Variants in GJA3 observed in about 807,000 individuals in gnomAD.
The protein encoded by GJA3 is gap junction protein alpha 3.
For synonymous variants in GJA3, 297 were observed against 292.6 expected (o/e 1.02, Z -0.15); for missense variants, 571 against 620.3 (o/e 0.92, Z 0.84).
At chr13:20,152,803 G>A (rs1433197186) in intron 1 of GJA3, among the ~76,000 whole-genome samples, 1 of 152,212 alleles carries the variant, frequency 6.6e-6, no homozygotes, top group Non-Finnish European at 1.5e-5. Context: ...TCATGAGTAG[G>A]ATTTTGAGGG....
chr13:20,154,134 C>T (rs984049808), intron 1 of GJA3, among the ~76,000 whole-genome samples: 2 of 152,098 alleles, frequency 1.3e-5, no homozygotes, highest in African/African-American at 4.8e-5. Context: ...TATAGTTTTC[C>T]AAGACCCACA....
At chr13:20,153,518 CAAACCATCGCAAGGACAGA>C (rs1958891120) in intron 1 of GJA3, among the ~76,000 whole-genome samples, 1 of 152,170 alleles carries the variant, frequency 6.6e-6, no homozygotes, top group African/African-American at 2.4e-5. Flanking sequence ...TCATTCTGAG[CAAACCATCGCAAGGACAGA>C]AAACCAAACA....
At chr13:20,158,594 T>C (rs1461796733) in intron 1 of GJA3, among the ~76,000 whole-genome samples, 1 of 151,924 alleles carries the variant, frequency 6.6e-6, no homozygotes, top group African/African-American at 2.4e-5. Context: ...CCATTACTTT[T>C]GGAGATGTAC....
Position 20,143,193 on chromosome 13 carries a change from G to A in GJA3, c.96C>T (p.Phe32=), listed in dbSNP as rs780442672. 5 of 1,593,888 alleles carry A rather than the reference G, an allele frequency of 3.1e-6. No homozygotes were observed. In the South Asian group the frequency reaches 4.6e-5, roughly 15 times the overall value. ...CCGCGGCCCCCAGCACCAAGATGCG[G>A]AAGATGAACAGCACGGTCAGCCAAA... ...GKVWLTVLFI[F]RILVLGAAAE... The change falls in exon 2 of 2, where the codon TTC becomes TTT. Residue 32 remains phenylalanine, a synonymous_variant. Coordinates refer to ENST00000241125, the MANE Select transcript of GJA3 (RefSeq NM_021954.4).
At chr13:20,147,371 A>G (rs978375024) in intron 1 of GJA3, among the ~76,000 whole-genome samples, 17 of 152,238 alleles carry the variant, frequency 1.1e-4, no homozygotes, top group African/African-American at 4.1e-4. Flanking sequence ...ACACTATCTT[A>G]AATGCCTTAT....
At chr13:20,151,638 G>C (rs1958878317) in intron 1 of GJA3, among the ~76,000 whole-genome samples, 1 of 152,090 alleles carries the variant, frequency 6.6e-6, no homozygotes, top group Non-Finnish European at 1.5e-5. Flanking sequence ...AGTGATCCAG[G>C]CCAGAAGGGG....
At position 20,141,897 on chromosome 13, in the gene GJA3, T is replaced by C; in HGVS notation, c.*84A>G. On this transcript the variant is annotated 3_prime_UTR_variant, in exon 2 of 2. Transcript: ENST00000241125. ...CCCACCTCCTGGGACTTTCAGGTTC[T>C]ATCTGCTGGTGGGAAGTGCACTTTG... The C allele has an allele frequency of 1.3e-6, 2 of 1,524,630 alleles. No homozygotes were observed. Among genetic ancestry groups the C allele is most frequent in the Non-Finnish European group, 1.8e-6 (2 of 1,128,768 alleles). The allele number at this position is 1,524,630 out of a possible 1,614,324, so 94.4% of individuals were successfully genotyped here. A position where few individuals can be genotyped will look rare whatever the true frequency, so the allele number is the denominator to read the frequency against.
At chr13:20,158,346 C>T (rs1375898414) in intron 1 of GJA3, among the ~76,000 whole-genome samples, 1 of 151,952 alleles carries the variant, frequency 6.6e-6, no homozygotes, top group East Asian at 1.9e-4. Flanking sequence ...ACTTCTATTG[C>T]TGTGTAACCA....
At position 20,142,691 on chromosome 13, in the gene GJA3, TC is replaced by T. The variant is rs1479393981; in HGVS notation, c.597del (p.Lys200ArgfsTer35). The T allele has an allele frequency of 1.9e-6, 3 of 1,613,768 alleles. No homozygotes were observed. Among genetic ancestry groups the T allele is most frequent in the Non-Finnish European group, 2.5e-6 (3 of 1,179,988 alleles). On this transcript the variant is annotated frameshift_variant, in exon 2 of 2. Coordinates refer to ENST00000241125, the MANE Select transcript of GJA3 (RefSeq NM_021954.4). LOFTEE classifies it low-confidence loss of function (END_TRUNC). The stretch of plus-strand genomic sequence containing the variant: ...AGCATGAAGATGATGAAGATGGTCT[TC>T]TCCGTGGGCCTGGAGATGAAGCAGT... ...TVDCFISRPTEKTIFIIFMLA... is the reference protein window; with the variant it reads ...TVDCFISRPTXKTIFIIFMLA...
Position 20,143,315 on chromosome 13 carries a change from G to C in GJA3, c.-17-10C>G, listed in dbSNP as rs1039716069. The C allele has an allele frequency of 1.3e-6, 2 of 1,503,290 alleles. No homozygotes were observed. Among genetic ancestry groups the C allele is most frequent in the Non-Finnish European group, 1.8e-6 (2 of 1,131,646 alleles). 93.1% of individuals were successfully genotyped at this position (1,503,290 alleles called of 1,614,324 possible). A position where few individuals can be genotyped will look rare whatever the true frequency, so the allele number is the denominator to read the frequency against. ...GCTTCAGATTCCTAACCTGTAAGAG[G>C]AAAATGCTCATGAACACCGGGCTGC... On this transcript the variant is annotated splice_polypyrimidine_tract_variant and intron_variant, in intron 1 of 1. Transcript: ENST00000241125.
intron 1 of GJA3, among the ~76,000 whole-genome samples, chr13:20,155,551 G>T (rs9285106): frequency 0.52 from 79,044 of 151,658 alleles, 21,355 homozygotes; most frequent in African/African-American, 0.57. Context: ...ATTTTGAAAC[G>T]CTATGGTGTT....
intron 1 of GJA3, among the ~76,000 whole-genome samples, chr13:20,148,719 G>A (rs1479379413): frequency 6.6e-6 from 1 of 152,260 alleles, no homozygotes; most frequent in Non-Finnish European, 1.5e-5. Flanking sequence ...AGGCGCTGCT[G>A]AACCATGTGT....
chr13:20,141,922 G>A lies in GJA3; in HGVS notation c.*59C>T. 1 of 1,537,692 alleles carries A rather than the reference G, an allele frequency of 6.5e-7. No homozygotes were observed. Among genetic ancestry groups the A allele is most frequent in the African/African-American group, 1.4e-5 (1 of 72,726 alleles). ...TATCTGCTGGTGGGAAGTGCACTTTGGTTTTGGTTTCTAAGAAAAAGATCA... is the reference window on the plus strand; with the variant it reads ...TATCTGCTGGTGGGAAGTGCACTTTAGTTTTGGTTTCTAAGAAAAAGATCA... On this transcript the variant is annotated 3_prime_UTR_variant, in exon 2 of 2. Coordinates refer to ENST00000241125, the MANE Select transcript of GJA3 (RefSeq NM_021954.4).
intron 1 of GJA3, among the ~76,000 whole-genome samples, chr13:20,153,872 A>G (rs894901624): frequency 6.6e-6 from 1 of 152,146 alleles, no homozygotes; most frequent in Non-Finnish European, 1.5e-5. Flanking sequence ...CCACAGTTCA[A>G]TTACACAGAC....
rs1958810180 is a variant in GJA3, at chr13:20,142,041, C to A, written c.1248G>T (p.Arg416=). The A allele has an allele frequency of 1.3e-6, 2 of 1,550,376 alleles. No homozygotes were observed. Among genetic ancestry groups the A allele is most frequent in the East Asian group, 2.4e-5 (1 of 40,924 alleles). ...QPPLPLGDPG[R]ASKASRASSG... ...TGCTGGCCCTGCTGGCCTTGCTGGC[C>A]CGACCTGGGTCTCCGAGGGGCAAGG... is the stretch of plus-strand genomic sequence containing the variant. The change falls in exon 2 of 2, where the codon CGG becomes CGT. Residue 416 remains arginine (R), a synonymous_variant. Transcript: ENST00000241125.
chr13:20,158,915 A>G (rs1593341236), intron 1 of GJA3, among the ~76,000 whole-genome samples: 1 of 130,156 alleles, frequency 7.7e-6, no homozygotes, highest in East Asian at 2.0e-4. Flanking sequence ...AAACTCTCAA[A>G]AAAAAAAAAA....
In GJA3 at chr13:20,151,042, G is replaced by A. The variant is rs1163182994; in HGVS notation, c.-17-7737C>T. Among the ~76,000 whole-genome samples, 7 of 140,042 alleles carry A rather than the reference G, an allele frequency of 5.0e-5. No homozygotes were observed. The East Asian group carries it at 1.7e-3, about 35-fold the overall frequency. 91.9% of individuals were successfully genotyped at this position (140,042 alleles called of 152,430 possible). A position where few individuals can be genotyped will look rare whatever the true frequency, so the allele number is the denominator to read the frequency against. ...AGCATGGGCAAAAGTGGGGCCCGGG[G>A]CCCAGCAGAGGTACCCCAGATGGGG... On this transcript the variant is annotated intron_variant, in intron 1 of 1. Transcript: ENST00000241125.
chr13:20,142,182 G>C lies in GJA3; in HGVS notation c.1107C>G (p.Gly369=), dbSNP rs1025143356. 4.6e-6 allele frequency: 7 copies of C among 1,512,940 alleles called. No homozygotes were observed. In the South Asian group the frequency reaches 8.8e-5, roughly 19 times the overall value. 93.7% of individuals were successfully genotyped at this position (1,512,940 alleles called of 1,614,324 possible). The change falls in exon 2 of 2, where the codon GGC becomes GGG. Residue 369 remains glycine, a synonymous_variant. Coordinates refer to ENST00000241125, the MANE Select transcript of GJA3 (RefSeq NM_021954.4). The part of the protein sequence containing the change: ...SPPLAHEAEA[G]AAPLLLDGSG... Reference sequence around the variant, plus strand: ...TCCCATCCAGCAGCAGGGGCGCCGCGCCCGCCTCAGCCTCGTGCGCGAGTG... The same window carrying C: ...TCCCATCCAGCAGCAGGGGCGCCGCCCCCGCCTCAGCCTCGTGCGCGAGTG...
At position 20,141,668 on chromosome 13, in the gene GJA3, A is replaced by G; in HGVS notation, c.*313T>C. ...ACCTGTTGCTTTACCACTACAGAACAGTTACCCCCAGAGACAGCCCTCAGC... is the reference window on the plus strand; with the variant it reads ...ACCTGTTGCTTTACCACTACAGAACGGTTACCCCCAGAGACAGCCCTCAGC... On this transcript the variant is annotated 3_prime_UTR_variant, in exon 2 of 2. Coordinates refer to ENST00000241125, the MANE Select transcript of GJA3 (RefSeq NM_021954.4). 1 of 401,330 alleles carries G rather than the reference A, an allele frequency of 2.5e-6. No homozygotes were observed. The highest frequency in any genetic ancestry group is 4.4e-6 in the Non-Finnish European group (1 of 225,528). 24.9% of individuals were successfully genotyped at this position (401,330 alleles called of 1,614,324 possible).
Sources: gnomAD v4.1 joint callset for allele counts (sites outside exome capture counted in the v4.1 genomes callset) on GRCh38, gnomAD v4.1.1 for gene constraint, MANE v1.5 for transcripts, NCBI Gene and HGNC (gene_info 2026-07-23, HGNC 2026-07-21) for gene names.